ABCC11: variants seen among roughly 807,000 people sequenced by gnomAD.
The protein encoded by ABCC11 is ATP binding cassette subfamily C member 11, also known as ATP-binding cassette sub-family C member 11.
In ABCC11, 135 loss-of-function variants were observed where a neutral mutation model predicts 149.3. The ratio of observed to expected loss-of-function variants is 0.90; its 90% CI spans 0.79 to 1.04. The LOEUF is 1.04. Ranked by LOEUF, ABCC11 falls within the 50% of genes least tolerant of loss-of-function variation. The probability of loss-of-function intolerance (pLI) is 0.00; values close to 1 mark genes in which losing one functional copy is unlikely to be tolerated. For missense variants in ABCC11, 1,680 were observed against 1,722.1 expected (o/e 0.98, Z 0.43); for synonymous variants, 665 against 671.4 (o/e 0.99, Z 0.15).
At chr16:48,203,863 C>A (rs926273978) in intron 13 of ABCC11, among the ~76,000 whole-genome samples, 1 of 152,134 alleles carries the variant, frequency 6.6e-6, no homozygotes. Context: ...AAGTGAGACT[C>A]CGTCTCAAAA....
chr16:48,233,836 G>T (rs1208812178), intron 1 of ABCC11, among the ~76,000 whole-genome samples: 1 of 152,210 alleles, frequency 6.6e-6, no homozygotes, highest in African/African-American at 2.4e-5. Context: ...AATGCTACTT[G>T]ACATTTTGCT....
At chr16:48,237,269 G>C (rs1478266671) in intron 1 of ABCC11, among the ~76,000 whole-genome samples, 2 of 152,158 alleles carry the variant, frequency 1.3e-5, no homozygotes, top group Non-Finnish European at 2.9e-5. Flanking sequence ...AGGGCACATT[G>C]TACATATCCA....
chr16:48,244,520 C>A, intron 1 of ABCC11: 1 of 1,587,124 alleles, frequency 6.3e-7, no homozygotes, highest in Non-Finnish European at 8.5e-7. Context: ...TGGTGCGGAG[C>A]CGCCTTCTGA....
chr16:48,215,424 A>AAGGAG, intron 7 of ABCC11, 80 bp from the exon 8 acceptor site: 6 of 1,490,612 alleles, frequency 4.0e-6, no homozygotes, highest in Non-Finnish European at 4.6e-6. Context: ...AGCCTGGCAT[A>AAGGAG]AGTAGGGCAA....
chr16:48,174,931 G>C (rs1471216681), intron 26 of ABCC11, among the ~76,000 whole-genome samples: 1 of 152,160 alleles, frequency 6.6e-6, no homozygotes, highest in African/African-American at 2.4e-5. Flanking sequence ...TGAGCTCCTG[G>C]GCTCAAGTGA....
At chr16:48,214,759 A>C in intron 9 of ABCC11, 122 bp downstream of exon 9, 1 of 1,340,574 alleles carries the variant, frequency 7.5e-7, no homozygotes, top group East Asian at 2.3e-5. Context: ...CTGGAAAATC[A>C]AAATCAACAT....
chr16:48,165,430 A>G (rs140530865), downstream of ABCC11, among the ~76,000 whole-genome samples: 419 of 152,280 alleles, frequency 2.8e-3, no homozygotes, highest in African/African-American at 9.6e-3. Context: ...CCGTCCAAGG[A>G]TTGCATCAGC....
rs372221563 is a variant in ABCC11 at position 48,205,430 on chromosome 16, G to A, written c.1788C>T (p.Gly596=). The change falls in exon 13 of 30, where the codon GGC becomes GGT. Residue 596 remains glycine, a synonymous_variant. Coordinates refer to ENST00000356608, the MANE Select transcript of ABCC11 (RefSeq NM_001370497.1). ...GNIRENILMG[G]AYDKARYLQV... Reference sequence around the variant, plus strand: ...GAGCTTACCGGGCCTTGTCATATGCGCCTCCCATGAGGATGTTCTCCCTGA... The same window carrying A: ...GAGCTTACCGGGCCTTGTCATATGCACCTCCCATGAGGATGTTCTCCCTGA... The A allele has an allele frequency of 2.8e-5, 45 of 1,614,068 alleles. No individual in the cohort carries two copies. Among genetic ancestry groups the A allele is most frequent in the East Asian group, 1.8e-4 (8 of 44,884 alleles).
In ABCC11 at chr16:48,210,638, A is replaced by G. The variant is rs191502416; in HGVS notation, c.1608+310T>C. On this transcript the variant is annotated intron_variant, in intron 11 of 29. Coordinates refer to ENST00000356608, the MANE Select transcript of ABCC11 (RefSeq NM_001370497.1). Reference sequence around the variant, plus strand: ...GCTTGGCACATACGAGGAATGTAATAAATGTTAGCTGGGTCTCCTTTCCCT... The same window carrying G: ...GCTTGGCACATACGAGGAATGTAATGAATGTTAGCTGGGTCTCCTTTCCCT... 56 of 346,034 alleles carry G rather than the reference A, an allele frequency of 1.6e-4. No homozygotes were observed. The East Asian group carries it at 2.6e-3, about 16-fold the overall frequency. 21.4% of individuals were successfully genotyped at this position (346,034 alleles called of 1,614,324 possible).
intron 14 of ABCC11, among the ~76,000 whole-genome samples, chr16:48,201,044 T>G (rs1053774779): frequency 6.6e-6 from 1 of 152,220 alleles, no homozygotes; most frequent in Non-Finnish European, 1.5e-5. Context: ...ACGTGGTTAG[T>G]AGGGGATGAA....
At chr16:48,206,701 C>T (rs954258481) in intron 12 of ABCC11, among the ~76,000 whole-genome samples, 1 of 152,212 alleles carries the variant, frequency 6.6e-6, no homozygotes, top group Non-Finnish European at 1.5e-5. Flanking sequence ...TGCCTGGAGG[C>T]TGCCAGGCAA....
chr16:48,169,323 C>T (rs1965542243), intron 28 of ABCC11, among the ~76,000 whole-genome samples: 1 of 152,164 alleles, frequency 6.6e-6, no homozygotes, highest in African/African-American at 2.4e-5. Flanking sequence ...CCATGCCTCA[C>T]CCACACCACA....
In ABCC11 at chr16:48,187,338, C is replaced by T; in HGVS notation, c.2796G>A (p.Gln932=). 2 of 1,614,196 alleles carry T rather than the reference C, an allele frequency of 1.2e-6. No homozygotes were observed. The highest frequency in any genetic ancestry group is 1.7e-6 in the Non-Finnish European group (2 of 1,180,032). The change falls in exon 21 of 30, where the codon CAG becomes CAA. Residue 932 remains glutamine, a synonymous_variant. Transcript: ENST00000356608. ...ACTGCTCTGAAAAGATGGGCAAGAGCTGGTCCAGCTGTTCCAAGTCCCCTG... is the reference window on the plus strand; with the variant it reads ...ACTGCTCTGAAAAGATGGGCAAGAGTTGGTCCAGCTGTTCCAAGTCCCCTG... ...CFAGDLEQLD[Q]LLPIFSEQFL... is the part of the protein sequence containing the mutation.
At chr16:48,223,805 T>G (rs1178791690) in intron 5 of ABCC11, 1 of 152,634 alleles carries the variant, frequency 6.6e-6, no homozygotes, top group East Asian at 1.9e-4. Flanking sequence ...GAGAAGACCA[T>G]TATTTCCTGC....
In ABCC11 at chr16:48,230,546, A is replaced by G; in HGVS notation, c.127T>C (p.Trp43Arg). ...TCAGGATTTCTCTCTTGCTGACTCC[A>G]GGGGCCATCTTGGAGAGTATAGGTT... ...YKTYTLQDGP[W>R]SQQERNPEAP... Residue 43 changes from tryptophan to arginine, a missense_variant, in exon 3 of 30, where the codon TGG becomes CGG. Physicochemically the swap from Trp to Arg is moderately radical, Grantham distance 101 (BLOSUM62 -3). Coordinates refer to ENST00000356608, the MANE Select transcript of ABCC11 (RefSeq NM_001370497.1). 6.2e-7 allele frequency: 1 copy of G among 1,611,118 alleles called. No homozygotes were observed. Among genetic ancestry groups the G allele is most frequent in the East Asian group, 2.2e-5 (1 of 44,756 alleles).
Position 48,213,505 on chromosome 16 carries a change from A to G in ABCC11, c.1294T>C (p.Phe432Leu). The part of the protein sequence containing the change: ...ASLNLLRLSV[F>L]FVPIAVKGLT... ...CCTTTGACTGCAATAGGCACAAAGAACACTGACAGCCGAAGGAGATTCAAG... is the reference window on the plus strand; with the variant it reads ...CCTTTGACTGCAATAGGCACAAAGAGCACTGACAGCCGAAGGAGATTCAAG... Residue 432 changes from phenylalanine (F) to leucine (L), a missense_variant, in exon 10 of 30, where the codon TTC (phenylalanine) becomes CTC (leucine). Physicochemically the swap from Phe to Leu is conservative, Grantham distance 22. Transcript: ENST00000356608. The G allele has an allele frequency of 2.5e-6, 4 of 1,611,680 alleles. No individual in the cohort carries two copies. Among genetic ancestry groups the G allele is most frequent in the Non-Finnish European group, 3.4e-6 (4 of 1,178,886 alleles).
chr16:48,170,248 C>T, intron 27 of ABCC11, 30 bp from the exon 28 acceptor site: 1 of 1,580,626 alleles, frequency 6.3e-7, no homozygotes. Context: ...GACAACATAA[C>T]CTGGAAGCCA....
In ABCC11 at chr16:48,208,461, A is replaced by G; in HGVS notation, c.1644T>C (p.Ser548=). ...MMLGVCGNTG[S]GKSSLLSAIL... ...TGGCTGACAACAGGCTGCTCTTACC[A>G]CTCCCCGTGTTGCCGCAGACCCCTA... The change falls in exon 12 of 30, where the codon AGT becomes AGC. Residue 548 remains serine, a synonymous_variant. Transcript: ENST00000356608. 6.2e-7 allele frequency: 1 copy of G among 1,613,726 alleles called. No homozygotes were observed.
chr16:48,226,415 C>G (rs1970078353), intron 4 of ABCC11, among the ~76,000 whole-genome samples: 1 of 151,898 alleles, frequency 6.6e-6, no homozygotes, highest in Non-Finnish European at 1.5e-5. Context: ...GCTGGGACTA[C>G]AGAGGCACCC....
Sources: gnomAD v4.1 joint callset for allele counts (sites outside exome capture counted in the v4.1 genomes callset) on GRCh38, gnomAD v4.1.1 for gene constraint, MANE v1.5 for transcripts, NCBI Gene and HGNC (gene_info 2026-07-23, HGNC 2026-07-21) for gene names.